Variants in HPRT1 observed in about 807,000 individuals in gnomAD.
HPRT1 encodes the protein hypoxanthine-guanine phosphoribosyltransferase.
A neutral mutation model predicts 19.0 loss-of-function variants in HPRT1; 4 were observed. The observed-to-expected ratio is 0.21, with a 90% confidence interval of 0.10 to 0.48. HPRT1 has a LOEUF of 0.48. Among genes scored for constraint, HPRT1 ranks in the 20% least tolerant of loss-of-function variants. The pLI is 0.98. For synonymous variants in HPRT1, 53 were observed against 54.9 expected (o/e 0.97, Z 0.15); for missense variants, 65 against 164.0 (o/e 0.40, Z 3.30).
chrX:134,492,261 A>G (rs866707622), intron 5 of HPRT1, among the ~76,000 whole-genome samples: 5 of 108,833 alleles, frequency 4.6e-5, no homozygotes, highest in Non-Finnish European at 9.5e-5. Context: ...ACGTACCCAC[A>G]AAAGTATTAA....
chrX:134,460,215 CGCGGCGCCGCCTCTTGCT>C lies in HPRT1; in HGVS notation c.-93_-76del. 3 of 952,665 alleles carry C rather than the reference CGCGGCGCCGCCTCTTGCT, an allele frequency of 3.1e-6. No homozygotes were observed. Among genetic ancestry groups the C allele is most frequent in the Middle Eastern group, 3.4e-4 (1 of 2,981 alleles). The allele number at this position is 952,665 out of a possible 1,213,427, so 78.5% of individuals were successfully genotyped here. On this transcript the variant is annotated 5_prime_UTR_variant, in exon 1 of 9. Coordinates refer to ENST00000298556, the MANE Select transcript of HPRT1 (RefSeq NM_000194.3). ...TCAGGCGAACCTCTCGGCTTTCCCG[CGCGGCGCCGCCTCTTGCT>C]GCGCCTCCGCCTCCTCCTCTGCTCC... is the stretch of plus-strand genomic sequence containing the variant.
intron 3 of HPRT1, among the ~76,000 whole-genome samples, chrX:134,483,739 AAT>A (rs1280444099): frequency 8.9e-6 from 1 of 112,071 alleles, no homozygotes; most frequent in Non-Finnish European, 1.9e-5. Context: ...CAGGTGGGGT[AAT>A]TGATCCATGT....
At chrX:134,480,794 CAT>C (rs201905142) in intron 3 of HPRT1, among the ~76,000 whole-genome samples, 1,223 of 98,758 alleles carry the variant, frequency 0.012, 23 homozygotes, top group African/African-American at 0.042. Flanking sequence ...CACACAAACA[CAT>C]ATGTGTATTT....
chrX:134,484,574 A>T (rs1329424772), intron 3 of HPRT1, among the ~76,000 whole-genome samples: 1 of 112,399 alleles, frequency 8.9e-6, no homozygotes, highest in African/African-American at 3.2e-5. Flanking sequence ...GAAAAGTCTC[A>T]TAAACGCCAT....
At position 134,471,120 on chromosome X, in the gene HPRT1, A is replaced by G. The variant is rs745601597; in HGVS notation, c.28-2239A>G. 1.6e-4 allele frequency among the ~76,000 whole-genome samples: 17 copies of G among 109,327 alleles called. No homozygotes were observed. In the East Asian group the frequency reaches 2.3e-3, roughly 15 times the overall value. 94.9% of individuals were successfully genotyped at this position (109,327 alleles called of 115,157 possible). A position where few individuals can be genotyped will look rare whatever the true frequency, so the allele number is the denominator to read the frequency against. ...TTAATGTATCCTTTAAAAATTTCCC[A>G]TACATTTTATATGTATATATAAAAA... On this transcript the variant is annotated intron_variant, in intron 1 of 8. Coordinates refer to ENST00000298556, the MANE Select transcript of HPRT1 (RefSeq NM_000194.3).
chrX:134,463,837 A>G (rs2077590283), intron 1 of HPRT1, among the ~76,000 whole-genome samples: 1 of 111,725 alleles, frequency 9.0e-6, no homozygotes, highest in Non-Finnish European at 1.9e-5. Flanking sequence ...AATCACCACC[A>G]TTAATATCAA....
chrX:134,498,357 T>C (rs759140165), intron 6 of HPRT1, 33 bp from the exon 7 acceptor site: 3 of 1,120,047 alleles, frequency 2.7e-6, no homozygotes, highest in Admixed American at 4.3e-5. Flanking sequence ...GTAGTCTCTC[T>C]GTATGTTATA....
intron 6 of HPRT1, among the ~76,000 whole-genome samples, chrX:134,496,548 C>T (rs1243220773): frequency 8.9e-6 from 1 of 111,925 alleles, no homozygotes; most frequent in African/African-American, 3.2e-5. Context: ...TGGAGCATTC[C>T]TGAGTTCAGG....
chrX:134,473,214 A>G, intron 1 of HPRT1, 145 bp from the exon 2 acceptor site: 2 of 471,045 alleles, frequency 4.2e-6, no homozygotes, highest in Non-Finnish European at 7.5e-6. Flanking sequence ...ATAATTCATT[A>G]TCATACCTAC....
intron 3 of HPRT1, among the ~76,000 whole-genome samples, chrX:134,478,940 A>G (rs1190950386): frequency 8.9e-6 from 1 of 112,547 alleles, no homozygotes; most frequent in Non-Finnish European, 1.9e-5. Flanking sequence ...ATCAATTGTA[A>G]TACATCAATT....
At chrX:134,495,312 G>A (rs2077677661) in intron 6 of HPRT1, among the ~76,000 whole-genome samples, 2 of 110,998 alleles carry the variant, frequency 1.8e-5, no homozygotes, top group Non-Finnish European at 3.8e-5. Context: ...CATGGACTTG[G>A]GAGTTTAGTC....
chrX:134,472,118 G>A (rs1362017128), intron 1 of HPRT1, among the ~76,000 whole-genome samples: 1 of 110,532 alleles, frequency 9.0e-6, no homozygotes. Flanking sequence ...CTACAGGTAT[G>A]CACCACCATA....
At chrX:134,477,067 A>AT (rs1250397909) in intron 3 of HPRT1, among the ~76,000 whole-genome samples, 172 of 84,229 alleles carry the variant, frequency 2.0e-3, no homozygotes, top group African/African-American at 2.9e-3. Context: ...TTATTTATTT[A>AT]TTTTTTTTTT....
Position 134,490,194 on chromosome X carries a change from T to C in HPRT1, c.391T>C (p.Leu131=). Residue 131 remains leucine (L), a synonymous_variant, in exon 5 of 9, where the codon TTG becomes CTG. Coordinates refer to ENST00000298556, the MANE Select transcript of HPRT1 (RefSeq NM_000194.3). ...ATTTCTCTTTTTCTTCTAGAATGTC[T>C]TGATTGTGGAAGTAAGTTCACATTT... ...DLSTLTGKNV[L]IVEDIIDTGK... 1 of 1,036,507 alleles carries C rather than the reference T, an allele frequency of 9.6e-7. No individual in the cohort carries two copies. Among genetic ancestry groups the C allele is most frequent in the South Asian group, 1.9e-5 (1 of 51,915 alleles). The allele number at this position is 1,036,507 out of a possible 1,213,427, so 85.4% of individuals were successfully genotyped here. A position where few individuals can be genotyped will look rare whatever the true frequency, so the allele number is the denominator to read the frequency against.
chrX:134,462,022 G>T (rs181479452), intron 1 of HPRT1, among the ~76,000 whole-genome samples: 1 of 111,054 alleles, frequency 9.0e-6, no homozygotes, highest in East Asian at 2.8e-4. Context: ...CTAGGATGGA[G>T]TGCAGTGGCA....
At chrX:134,481,304 T>C (rs1363005600) in intron 3 of HPRT1, among the ~76,000 whole-genome samples, 1 of 111,930 alleles carries the variant, frequency 8.9e-6, no homozygotes, top group Non-Finnish European at 1.9e-5. Context: ...AAGTGTCTCA[T>C]GTAAGAGGGC....
At chrX:134,484,446 CAT>C (rs1255641527) in intron 3 of HPRT1, among the ~76,000 whole-genome samples, 1 of 111,843 alleles carries the variant, frequency 8.9e-6, no homozygotes, top group Non-Finnish European at 1.9e-5. Context: ...TATCAGAAGT[CAT>C]ATGCTCACCT....
In HPRT1 at chrX:134,471,265, G is replaced by C. The variant is rs181873017; in HGVS notation, c.28-2094G>C. ...CAATAAAGAACTAAATAAAATTGCTGTAACTCCTCTTTCAAAGATAAGTGC... is the reference window on the plus strand; with the variant it reads ...CAATAAAGAACTAAATAAAATTGCTCTAACTCCTCTTTCAAAGATAAGTGC... On this transcript the variant is annotated intron_variant, in intron 1 of 8. Coordinates refer to ENST00000298556, the MANE Select transcript of HPRT1 (RefSeq NM_000194.3). Among the ~76,000 whole-genome samples, 19 of 111,375 alleles carry C rather than the reference G, an allele frequency of 1.7e-4. No homozygotes were observed. In the East Asian group the frequency reaches 5.1e-3, roughly 30 times the overall value.
Position 134,476,706 on chromosome X carries a change from A to G in HPRT1, c.318+1342A>G, listed in dbSNP as rs201988733. Reference sequence around the variant, plus strand: ...GGGGATTTGTGCAGAATGTTATTTTAGATAAGCAAAAACGAGCAAAATAGG... The same window carrying G: ...GGGGATTTGTGCAGAATGTTATTTTGGATAAGCAAAAACGAGCAAAATAGG... On this transcript the variant is annotated intron_variant, in intron 3 of 8. Transcript: ENST00000298556. 2.7e-5 allele frequency among the ~76,000 whole-genome samples: 3 copies of G among 112,222 alleles called. No homozygotes were observed. In the East Asian group the frequency reaches 8.3e-4, roughly 31 times the overall value.
Sources: gnomAD v4.1 joint callset for allele counts (sites outside exome capture counted in the v4.1 genomes callset) on GRCh38, gnomAD v4.1.1 for gene constraint, MANE v1.5 for transcripts, NCBI Gene and HGNC (gene_info 2026-07-23, HGNC 2026-07-21) for gene names.